Variants in ROBO2 observed in about 807,000 individuals in gnomAD.
ROBO2 encodes roundabout guidance receptor 2, also known as roundabout homolog 2.
ROBO2 carries 53 observed loss-of-function variants against 160.8 expected under a neutral mutation model. The observed-to-expected ratio is 0.33, with a 90% CI of 0.26 to 0.41. The LOEUF (loss-of-function observed/expected upper bound fraction) is 0.41, where lower values mean the gene tolerates loss of function less well. Among genes scored for constraint, ROBO2 ranks in the 10% least tolerant of loss-of-function variants. The pLI is 1.00. For synonymous variants in ROBO2, 664 were observed against 611.7 expected (o/e 1.09, Z -1.26); for missense variants, 1,577 against 1,722.4 (o/e 0.92, Z 1.49).
intron 2 of ROBO2, among the ~76,000 whole-genome samples, chr3:76,742,402 A>G (rs2093817027): frequency 6.6e-6 from 1 of 152,108 alleles, no homozygotes; most frequent in African/African-American, 2.4e-5. Flanking sequence ...TTTTTTAACT[A>G]CTCCATTTGA....
intron 8 of ROBO2, among the ~76,000 whole-genome samples, chr3:77,553,937 T>C (rs964093765): frequency 1.3e-5 from 2 of 151,936 alleles, no homozygotes; most frequent in Admixed American, 1.3e-4. Flanking sequence ...GTGGCTATAC[T>C]AAACAGATTT....
At chr3:75,932,491 C>T (rs1947587660) in intron 1 of ROBO2, among the ~76,000 whole-genome samples, 1 of 152,154 alleles carries the variant, frequency 6.6e-6, no homozygotes, top group Non-Finnish European at 1.5e-5. Flanking sequence ...TATTTCAGTG[C>T]CACATCTGCA....
At chr3:76,949,562 G>A (rs4855966) in intron 2 of ROBO2, among the ~76,000 whole-genome samples, 74,190 of 151,962 alleles carry the variant, frequency 0.49, 19,094 homozygotes, top group African/African-American at 0.66. Flanking sequence ...CTTCTCCCCT[G>A]TTTCCGGTGT....
intron 2 of ROBO2, among the ~76,000 whole-genome samples, chr3:77,225,971 A>G (rs986942065): frequency 6.6e-6 from 1 of 152,028 alleles, no homozygotes; most frequent in Non-Finnish European, 1.5e-5. Context: ...TTAGAATAGT[A>G]TCATGAGACT....
At chr3:77,493,507 T>C in intron 5 of ROBO2, 125 bp downstream of exon 5, 1 of 1,041,956 alleles carries the variant, frequency 9.6e-7, no homozygotes, top group Non-Finnish European at 1.5e-6. Context: ...ATGTGATTTT[T>C]ACATATGCAA....
intron 2 of ROBO2, among the ~76,000 whole-genome samples, chr3:77,192,674 G>GTTTTT (rs2081967076): frequency 3.1e-5 from 3 of 96,704 alleles, no homozygotes; most frequent in Admixed American, 1.1e-4. Flanking sequence ...TTTTTTTTGA[G>GTTTTT]ACAGAGTCTC....
rs2065318783 is a variant in ROBO2, at chr3:76,812,909, A to AATTTTTTT, written c.110-285105_110-285104insATTTTTTT. Among the ~76,000 whole-genome samples the AATTTTTTT allele has an allele frequency of 2.9e-5, 3 of 104,658 alleles. No homozygotes were observed. In the South Asian group the frequency reaches 1.1e-3, roughly 38 times the overall value. The allele number at this position is 104,658 out of a possible 152,430, so 68.7% of individuals were successfully genotyped here. A position where few individuals can be genotyped will look rare whatever the true frequency, so the allele number is the denominator to read the frequency against. On this transcript the variant is annotated intron_variant, in intron 2 of 26. Coordinates refer to the ROBO2 transcript ENST00000487694. ...AAAGTGTCCTGGCACAGAAGTATAA[A>AATTTTTTT]TTTTTTTTTTTTTTTTTTTTTTTTT...
chr3:76,647,652 A>AT (rs941523278), intron 2 of ROBO2, among the ~76,000 whole-genome samples: 4 of 152,136 alleles, frequency 2.6e-5, no homozygotes, highest in Admixed American at 1.3e-4. Flanking sequence ...AATGGCTGTA[A>AT]TTTTTTTTAT....
At chr3:77,643,896 CA>C (rs1209385117) in intron 24 of ROBO2, among the ~76,000 whole-genome samples, 4 of 152,062 alleles carry the variant, frequency 2.6e-5, no homozygotes, top group African/African-American at 9.7e-5. Context: ...AGAGAAAAAT[CA>C]TGTGGTTCTT....
At chr3:77,305,358 T>C (rs946626659) in intron 2 of ROBO2, among the ~76,000 whole-genome samples, 2 of 152,320 alleles carry the variant, frequency 1.3e-5, no homozygotes, top group South Asian at 2.1e-4. Flanking sequence ...AAATCACTGA[T>C]GGCTTTTTCT....
chr3:77,408,823 C>G (rs1373784837), intron 2 of ROBO2, among the ~76,000 whole-genome samples: 1 of 152,024 alleles, frequency 6.6e-6, no homozygotes, highest in Non-Finnish European at 1.5e-5. Context: ...CTCCTGGGAT[C>G]AAGGGATCTT....
intron 2 of ROBO2, among the ~76,000 whole-genome samples, chr3:76,542,719 A>C (rs934347199): frequency 6.6e-6 from 1 of 152,116 alleles, no homozygotes; most frequent in Non-Finnish European, 1.5e-5. Context: ...TGAAAGGAAT[A>C]ATCCACACTT....
chr3:77,060,496 T>A (rs1162267008), intron 1 of ROBO2, among the ~76,000 whole-genome samples: 5 of 152,352 alleles, frequency 3.3e-5, no homozygotes, highest in African/African-American at 1.2e-4. Context: ...AAAAATTTCA[T>A]AAGACACTAA....
chr3:76,405,338 A>C (rs572098422), intron 2 of ROBO2, among the ~76,000 whole-genome samples: 1 of 151,512 alleles, frequency 6.6e-6, no homozygotes, highest in African/African-American at 2.4e-5. Context: ...TCAGAGAGAA[A>C]GATTGGGGCC....
intron 2 of ROBO2, among the ~76,000 whole-genome samples, chr3:76,431,443 C>T (rs1423312454): frequency 2.0e-5 from 3 of 151,988 alleles, no homozygotes; most frequent in Non-Finnish European, 4.4e-5. Context: ...ATAAGAAAGA[C>T]ACTATAACAT....
intron 2 of ROBO2, among the ~76,000 whole-genome samples, chr3:76,490,895 C>G (rs2079782101): frequency 6.6e-6 from 1 of 151,992 alleles, no homozygotes; most frequent in South Asian, 2.1e-4. Flanking sequence ...TAGAACAACT[C>G]CCCTAAATAA....
intron 2 of ROBO2, among the ~76,000 whole-genome samples, chr3:76,213,315 T>A (rs1336759237): frequency 6.6e-6 from 1 of 152,034 alleles, no homozygotes; most frequent in East Asian, 1.9e-4. Flanking sequence ...TTAGAAGAAG[T>A]TATCTAATGT....
intron 2 of ROBO2, among the ~76,000 whole-genome samples, chr3:76,141,159 C>CTATATATATATATATATA (rs55778369): frequency 1.1e-3 from 10 of 9,172 alleles, no homozygotes; most frequent in East Asian, 7.6e-3. Context: ...CTCTCTCTCT[C>CTATATATATATATATATA]TATATATATA....
At chr3:76,993,337 A>G (rs2060797471) in intron 2 of ROBO2, among the ~76,000 whole-genome samples, 1 of 152,200 alleles carries the variant, frequency 6.6e-6, no homozygotes, top group Non-Finnish European at 1.5e-5. Context: ...AAGTGAAGGA[A>G]TAAAGAGTTT....
Sources: gnomAD v4.1 joint callset for allele counts (sites outside exome capture counted in the v4.1 genomes callset) on GRCh38, gnomAD v4.1.1 for gene constraint, MANE v1.5 for transcripts, NCBI Gene and HGNC (gene_info 2026-07-23, HGNC 2026-07-21) for gene names.